The following TRAPPC8 variants were observed in gnomAD, a reference collection of about 807,000 sequenced individuals.
TRAPPC8 encodes the protein trafficking protein particle complex subunit 8.
TRAPPC8 carries 54 observed loss-of-function variants against 174.3 expected under a neutral mutation model. The observed-to-expected ratio is 0.31, with a 90% confidence interval of 0.25 to 0.39. TRAPPC8 has a LOEUF of 0.39. Among genes scored for constraint, TRAPPC8 ranks in the 10% least tolerant of loss-of-function variants. The probability of loss-of-function intolerance (pLI) is 1.00; values close to 1 mark genes in which losing one functional copy is unlikely to be tolerated. For synonymous variants in TRAPPC8, 630 were observed against 579.9 expected, an observed-to-expected ratio of 1.09 and a Z score of -1.24; for missense variants, 1,531 against 1,699.1, an observed-to-expected ratio of 0.90 and a Z score of 1.74.
Position 31,943,126 on chromosome 18 carries a change from C to T in TRAPPC8, c.-362G>A, listed in dbSNP as rs1250764861. The T allele has an allele frequency of 7.5e-6, 3 of 400,514 alleles. No individual in the cohort carries two copies. In the East Asian group the frequency reaches 1.1e-4, roughly 14 times the overall value. 24.8% of individuals were successfully genotyped at this position (400,514 alleles called of 1,614,324 possible). ...GAACCCTGACCAACCGGCAGTACTA[C>T]TCCCAGCTGCCCCCGCGCGCGTCCC... On this transcript the variant is annotated 5_prime_UTR_variant, in exon 1 of 29. Coordinates refer to ENST00000283351, the MANE Select transcript of TRAPPC8 (RefSeq NM_014939.5).
chr18:31,872,126 A>C (rs929871378), intron 14 of TRAPPC8, among the ~76,000 whole-genome samples: 2 of 151,558 alleles, frequency 1.3e-5, no homozygotes, highest in Non-Finnish European at 2.9e-5. Context: ...TTCATTCCCT[A>C]CCCTCCCAAG....
chr18:31,837,032 G>C (rs1598581091), intron 27 of TRAPPC8, among the ~76,000 whole-genome samples: 1 of 152,012 alleles, frequency 6.6e-6, no homozygotes, highest in Non-Finnish European at 1.5e-5. Context: ...AAAGTGCTGG[G>C]ATTACAGGCG....
chr18:31,900,264 TG>T (rs1422027127), intron 10 of TRAPPC8, among the ~76,000 whole-genome samples: 1 of 152,028 alleles, frequency 6.6e-6, no homozygotes, highest in East Asian at 1.9e-4. Flanking sequence ...AAATAATACA[TG>T]ACAGTAAAGG....
chr18:31,907,508 C>A lies in TRAPPC8; in HGVS notation c.1341G>T (p.Lys447Asn). 1.9e-6 allele frequency: 3 copies of A among 1,606,084 alleles called. No individual in the cohort carries two copies. Among genetic ancestry groups the A allele is most frequent in the Non-Finnish European group, 2.6e-6 (3 of 1,175,228 alleles). ...TTGCTTGATCATTAAGAAAATCTTT[C>A]TTTGCAGTATGATAGCAACTGTAAG... The part of the protein sequence containing the change: ...DLAYSCYHTA[K>N]KDFLNDQAML... The change falls in exon 9 of 29, where the codon AAG (lysine) becomes AAT (asparagine). Residue 447 changes from lysine (K) to asparagine (N), a missense_variant. Lys to Asn is a moderately conservative substitution (Grantham distance 94). Transcript: ENST00000283351.
chr18:31,856,227 C>T (rs2034003397), intron 20 of TRAPPC8, among the ~76,000 whole-genome samples: 1 of 152,096 alleles, frequency 6.6e-6, no homozygotes. Flanking sequence ...CTGCCTCAGT[C>T]TCTGAGTAGC....
In TRAPPC8 at chr18:31,829,252, T is replaced by C. The variant is rs191154024; in HGVS notation, c.*1503A>G. The C allele has an allele frequency of 6.6e-6, 1 of 152,298 alleles. No homozygotes were observed. Among genetic ancestry groups the C allele is most frequent in the Admixed American group, 6.5e-5 (1 of 15,302 alleles). 9.4% of individuals were successfully genotyped at this position (152,298 alleles called of 1,614,324 possible). A position where few individuals can be genotyped will look rare whatever the true frequency, so the allele number is the denominator to read the frequency against. ...TATATTCAGTTGTAGGTTTATATAG[T>C]TTAATTTTTTTATTAGTGTCTGTTT... On this transcript the variant is annotated 3_prime_UTR_variant, in exon 29 of 29. Transcript: ENST00000283351.
At chr18:31,902,371 G>C (rs116887764) in intron 9 of TRAPPC8, among the ~76,000 whole-genome samples, 1 of 152,222 alleles carries the variant, frequency 6.6e-6, no homozygotes, top group East Asian at 1.9e-4. Context: ...AAAGTATGCT[G>C]ACCCTACACT....
chr18:31,848,304 T>C (rs759165964), intron 25 of TRAPPC8, among the ~76,000 whole-genome samples: 13 of 145,410 alleles, frequency 8.9e-5, no homozygotes, highest in Non-Finnish European at 1.9e-4. Flanking sequence ...TCTTAAAAGA[T>C]AACACTTTTC....
In TRAPPC8 at chr18:31,841,315, C is replaced by T. The variant is rs149342534; in HGVS notation, c.3838-1858G>A. On this transcript the variant is annotated intron_variant, in intron 26 of 28. Transcript: ENST00000283351. ...TTAAATTTTTTATCTTTCCAATTGACAGCTTGTGGATATTTTGCTTTTTTG... is the reference window on the plus strand; with the variant it reads ...TTAAATTTTTTATCTTTCCAATTGATAGCTTGTGGATATTTTGCTTTTTTG... 2.9e-3 allele frequency among the ~76,000 whole-genome samples: 434 copies of T among 151,908 alleles called. 2 individuals are homozygous for T. Among genetic ancestry groups the T allele is most frequent in the African/African-American group, 9.6e-3 (397 of 41,470 alleles).
At chr18:31,864,853 T>G in intron 18 of TRAPPC8, 72 bp from the exon 19 acceptor site, 1 of 1,277,064 alleles carries the variant, frequency 7.8e-7, no homozygotes, top group Non-Finnish European at 1.1e-6. Context: ...CTTGAATATG[T>G]GAATATTGTA....
chr18:31,941,191 C>T (rs1195361598), intron 1 of TRAPPC8, among the ~76,000 whole-genome samples: 1 of 152,138 alleles, frequency 6.6e-6, no homozygotes, highest in Non-Finnish European at 1.5e-5. Context: ...GCCCATAATC[C>T]CCGCACTTTG....
intron 12 of TRAPPC8, among the ~76,000 whole-genome samples, chr18:31,875,943 A>G (rs1598649042): frequency 6.6e-6 from 1 of 152,120 alleles, no homozygotes; most frequent in Non-Finnish European, 1.5e-5. Flanking sequence ...AAGTTGATTA[A>G]TGGGTACAAA....
chr18:31,849,365 T>C lies in TRAPPC8; in HGVS notation c.3735+201A>G, dbSNP rs1212978829. On this transcript the variant is annotated intron_variant, in intron 25 of 28. Transcript: ENST00000283351. Reference sequence around the variant, plus strand: ...CAATATTCTCGGTAACACACAGAAATAACAGTAACACAGAAGAATGTTATC... The same window carrying C: ...CAATATTCTCGGTAACACACAGAAACAACAGTAACACAGAAGAATGTTATC... 3.9e-5 allele frequency among the ~76,000 whole-genome samples: 6 copies of C among 152,054 alleles called. No individual in the cohort carries two copies. In the South Asian group the frequency reaches 6.2e-4, roughly 16 times the overall value.
chr18:31,935,847 T>C (rs1655064858), intron 1 of TRAPPC8, among the ~76,000 whole-genome samples: 1 of 151,648 alleles, frequency 6.6e-6, no homozygotes, highest in Non-Finnish European at 1.5e-5. Context: ...GCAATTCCCC[T>C]GCCTCAGCCT....
intron 24 of TRAPPC8, 72 bp from the exon 25 acceptor site, chr18:31,849,811 AG>A: frequency 7.1e-7 from 1 of 1,400,654 alleles, no homozygotes; most frequent in Non-Finnish European, 9.4e-7. Context: ...TGTATAACTC[AG>A]TTTTAATTAA....
At chr18:31,877,061 G>T (rs6506945) in intron 12 of TRAPPC8, among the ~76,000 whole-genome samples, 1 of 152,030 alleles carries the variant, frequency 6.6e-6, no homozygotes, top group African/African-American at 2.4e-5. Flanking sequence ...AGATGTAACC[G>T]TTAATTTAGG....
At chr18:31,855,880 A>C (rs1032814857) in intron 20 of TRAPPC8, 73 bp from the exon 21 acceptor site, 1 of 1,479,842 alleles carries the variant, frequency 6.8e-7, no homozygotes, top group Admixed American at 2.7e-5. Context: ...AATTCCAAAT[A>C]AAGATTTTAA....
At chr18:31,916,597 A>G (rs2037157097) in intron 3 of TRAPPC8, 151 bp from the exon 4 acceptor site, 3 of 698,354 alleles carry the variant, frequency 4.3e-6, no homozygotes, top group African/African-American at 1.9e-5. Context: ...CAGTGGCGTG[A>G]TCTCGACTCA....
intron 17 of TRAPPC8, 116 bp from the exon 18 acceptor site, chr18:31,867,091 A>G (rs563914072): frequency 4.9e-5 from 54 of 1,107,170 alleles, no homozygotes; most frequent in Non-Finnish European, 6.5e-5. Flanking sequence ...TTAAAATGCC[A>G]ATTAATTTAT....
Sources: gnomAD v4.1 joint callset for allele counts (sites outside exome capture counted in the v4.1 genomes callset) on GRCh38, gnomAD v4.1.1 for gene constraint, MANE v1.5 for transcripts, NCBI Gene and HGNC (gene_info 2026-07-23, HGNC 2026-07-21) for gene names.